TIAM1: variants seen among roughly 807,000 people sequenced by gnomAD.
The protein encoded by TIAM1 is rho guanine nucleotide exchange factor TIAM1.
In TIAM1, 65 loss-of-function variants were observed where a neutral mutation model predicts 163.5. The observed-to-expected ratio is 0.40, with a 90% CI of 0.33 to 0.49. The LOEUF (loss-of-function observed/expected upper bound fraction) is 0.49. Among genes scored for constraint, TIAM1 ranks in the 20% least tolerant of loss-of-function variants. The probability of loss-of-function intolerance (pLI) is 0.77; values close to 1 mark genes in which losing one functional copy is unlikely to be tolerated. For synonymous variants in TIAM1, 833 were observed against 810.1 expected (o/e 1.03, Z -0.48); for missense variants, 1,789 against 2,044.7 (o/e 0.87, Z 2.41).
chr21:31,345,755 A>T (rs979659305), upstream of TIAM1, among the ~76,000 whole-genome samples: 12 of 152,288 alleles, frequency 7.9e-5, no homozygotes, highest in East Asian at 2.3e-3. Flanking sequence ...GTTTGAGACC[A>T]GGCTGGAAAC....
intron 4 of TIAM1, among the ~76,000 whole-genome samples, chr21:31,253,174 A>G (rs1181693512): frequency 6.6e-6 from 1 of 152,264 alleles, no homozygotes; most frequent in African/African-American, 2.4e-5. Flanking sequence ...TCACTGCAGT[A>G]TTGGACAGAC....
At chr21:31,228,259 A>AAAAAG (rs1601627154) in intron 6 of TIAM1, among the ~76,000 whole-genome samples, 2 of 82,794 alleles carry the variant, frequency 2.4e-5, no homozygotes, top group East Asian at 4.3e-4. Context: ...AAAAAAAAAA[A>AAAAAG]GGAAGGAAAA....
At chr21:31,164,681 A>G (rs2084121744) in intron 16 of TIAM1, among the ~76,000 whole-genome samples, 1 of 152,192 alleles carries the variant, frequency 6.6e-6, no homozygotes, top group Admixed American at 6.5e-5. Context: ...AGGGAAATGG[A>G]ATAAAATTAT....
At chr21:31,367,877 A>G (rs2076527962) in intron 2 of TIAM1, among the ~76,000 whole-genome samples, 1 of 152,200 alleles carries the variant, frequency 6.6e-6, no homozygotes, top group Non-Finnish European at 1.5e-5. Context: ...CACGTAATCA[A>G]TATTACTTTA....
At chr21:31,242,209 G>C (rs2071218611) in intron 6 of TIAM1, among the ~76,000 whole-genome samples, 1 of 152,080 alleles carries the variant, frequency 6.6e-6, no homozygotes. Context: ...ATATCAATAA[G>C]GAAATATAAC....
intron 22 of TIAM1, 52 bp from the exon 23 acceptor site, chr21:31,136,093 G>T: frequency 1.4e-6 from 2 of 1,439,258 alleles, no homozygotes; most frequent in South Asian, 1.3e-5. Context: ...TCAATACTCA[G>T]ATTTTCATGA....
intron 15 of TIAM1, among the ~76,000 whole-genome samples, chr21:31,177,263 G>C (rs1030122435): frequency 1.3e-5 from 2 of 152,168 alleles, no homozygotes; most frequent in Admixed American, 6.5e-5. Flanking sequence ...GAGGCACAGA[G>C]GGATTAAGCA....
At chr21:31,307,942 T>C (rs371746981) in intron 2 of TIAM1, among the ~76,000 whole-genome samples, 14 of 152,234 alleles carry the variant, frequency 9.2e-5, no homozygotes, top group African/African-American at 3.1e-4. Flanking sequence ...GAGTCAATAC[T>C]ATACAATGGG....
At chr21:31,153,740 C>T (rs1376060628) in intron 17 of TIAM1, among the ~76,000 whole-genome samples, 1 of 151,710 alleles carries the variant, frequency 6.6e-6, no homozygotes, top group East Asian at 1.9e-4. Context: ...AATGAATTGC[C>T]GTGAAAATCA....
chr21:31,556,422 GTT>G lies in TIAM1; in HGVS notation c.-422+2503_-422+2504del, dbSNP rs1428861091. 9.9e-5 allele frequency among the ~76,000 whole-genome samples: 15 copies of G among 152,216 alleles called. No individual in the cohort carries two copies. In the East Asian group the frequency reaches 1.4e-3, roughly 14 times the overall value. ...TGGACAGCCTACAAGTCGAGTTTAT[GTT>G]TGTTTGTTTGCCTGTTTTGGCTGGC... is the stretch of plus-strand genomic sequence containing the variant. On this transcript the variant is annotated intron_variant, in intron 1 of 28. Coordinates refer to the TIAM1 transcript ENST00000286827.
intron 12 of TIAM1, among the ~76,000 whole-genome samples, chr21:31,200,040 T>C (rs999849413): frequency 6.6e-6 from 1 of 152,176 alleles, no homozygotes; most frequent in Admixed American, 6.5e-5. Flanking sequence ...TTCCCTGACA[T>C]ATTACACATT....
chr21:31,412,784 TAAAAA>T (rs77221722), intron 2 of TIAM1, among the ~76,000 whole-genome samples: 3 of 103,536 alleles, frequency 2.9e-5, no homozygotes, highest in African/African-American at 3.8e-5. Flanking sequence ...TGTCTCAGGT[TAAAAA>T]AAAAAAAAAA....
At chr21:31,555,080 A>G (rs536784439) in intron 1 of TIAM1, among the ~76,000 whole-genome samples, 163 of 152,274 alleles carry the variant, frequency 1.1e-3, no homozygotes, top group Non-Finnish European at 1.8e-3. Flanking sequence ...TTTTATTTTA[A>G]AAAACACTCT....
intron 2 of TIAM1, among the ~76,000 whole-genome samples, chr21:31,410,025 T>C (rs1368043537): frequency 6.6e-6 from 1 of 152,138 alleles, no homozygotes; most frequent in African/African-American, 2.4e-5. Flanking sequence ...AGCAACATCC[T>C]GTCCTGGGAA....
rs561060284 is a variant in TIAM1 at position 31,360,917 on chromosome 21, G to C, written c.-368-21495C>G. Among the ~76,000 whole-genome samples, 38 of 152,216 alleles carry C rather than the reference G, an allele frequency of 2.5e-4. 1 individual carries two copies. Among genetic ancestry groups the C allele is most frequent in the African/African-American group, 8.9e-4 (37 of 41,504 alleles). On this transcript the variant is annotated intron_variant, in intron 2 of 28. Transcript: ENST00000286827. ...GACTAATAACACCAAGGTTTTCTGA[G>C]GGCATAATGCAAGAGGAACTCCCTT...
intron 2 of TIAM1, among the ~76,000 whole-genome samples, chr21:31,392,570 CAAAAAAAAA>C (rs61454127): frequency 4.7e-5 from 4 of 84,886 alleles, no homozygotes; most frequent in African/African-American, 1.4e-4. Context: ...AACTCTGTCT[CAAAAAAAAA>C]AAAAAAAAAA....
Position 31,266,268 on chromosome 21 carries a change from C to G in TIAM1, c.705G>C (p.Leu235Phe), listed in dbSNP as rs1484995340. The change falls in exon 4 of 28, where the codon TTG becomes TTC. Residue 235 changes from leucine to phenylalanine, a missense_variant. Around this residue, in one of 5 missense-constraint regions of TIAM1, gnomAD observed 555 missense variants for 564.9 expected, o/e 0.98. Coordinates refer to ENST00000541036, the MANE Select transcript of TIAM1 (RefSeq NM_001353694.2). ...TCQRANSLGD[L>F]YAQKNSGVTA... is the part of the protein sequence containing the mutation. ...TCACTCCAGAGTTTTTCTGAGCATACAAGTCACCCAAGGAATTGGCTCTCT... is the reference window on the plus strand; with the variant it reads ...TCACTCCAGAGTTTTTCTGAGCATAGAAGTCACCCAAGGAATTGGCTCTCT... 2 of 1,614,100 alleles carry G rather than the reference C, an allele frequency of 1.2e-6. No individual in the cohort carries two copies. The highest frequency in any genetic ancestry group is 1.7e-6 in the Non-Finnish European group (2 of 1,180,052).
chr21:31,153,453 T>G (rs1044694569), intron 17 of TIAM1, among the ~76,000 whole-genome samples: 22 of 152,264 alleles, frequency 1.4e-4, no homozygotes, highest in African/African-American at 5.3e-4. Flanking sequence ...CAAACTTTAT[T>G]TGCGAAAACA....
intron 1 of TIAM1, among the ~76,000 whole-genome samples, chr21:31,522,522 C>A (rs1292542953): frequency 1.3e-5 from 2 of 150,352 alleles, no homozygotes; most frequent in African/African-American, 2.4e-5. Flanking sequence ...AAAAAAAAAA[C>A]AAAAACAAAA....
Sources: gnomAD v4.1 joint callset for allele counts (sites outside exome capture counted in the v4.1 genomes callset) on GRCh38, gnomAD v4.1.1 for gene constraint, gnomAD v4.1.1 regional missense constraint, MANE v1.5 for transcripts, NCBI Gene and HGNC (gene_info 2026-07-23, HGNC 2026-07-21) for gene names.